IFT25: variants seen among roughly 807,000 people sequenced by gnomAD.
The protein encoded by IFT25 is intraflagellar transport protein 25 homolog.
At chr1:53,930,047 C>T in the IFT25 span, 10 of 1,540,474 alleles carry the variant, frequency 6.5e-6, no homozygotes, top group Non-Finnish European at 8.7e-6. Context: ...ACCAAAGTAA[C>T]TTTGGATTAC....
At chr1:53,918,847 CT>C in the IFT25 span, among the ~76,000 whole-genome samples, 1 of 151,678 alleles carries the variant, frequency 6.6e-6, no homozygotes, top group South Asian at 2.1e-4. Flanking sequence ...CCCATTTTTT[CT>C]TTTTTTTGAG....
the IFT25 span, among the ~76,000 whole-genome samples, chr1:53,925,786 T>C: frequency 1.3e-5 from 2 of 151,920 alleles, no homozygotes; most frequent in Admixed American, 6.6e-5. Flanking sequence ...TCATAGTGGA[T>C]TTATCAATTT....
chr1:53,935,753 G>A, the IFT25 span, among the ~76,000 whole-genome samples: 1 of 151,892 alleles, frequency 6.6e-6, no homozygotes, highest in African/African-American at 2.4e-5. Flanking sequence ...GATTATAGGT[G>A]TGAACCACCT....
the IFT25 span, chr1:53,940,183 G>T: frequency 1.5e-6 from 1 of 682,952 alleles, no homozygotes; most frequent in Non-Finnish European, 2.5e-6. Flanking sequence ...AAAGGCTGTT[G>T]CCTAGCAGAT....
the IFT25 span, among the ~76,000 whole-genome samples, chr1:53,913,586 G>T: frequency 3.3e-5 from 5 of 152,036 alleles, no homozygotes; most frequent in Non-Finnish European, 1.5e-5. Flanking sequence ...CTTTGAGATG[G>T]GGCTCAGGGA....
chr1:53,912,044 T>G, the IFT25 span, among the ~76,000 whole-genome samples: 1 of 152,092 alleles, frequency 6.6e-6, no homozygotes, highest in African/African-American at 2.4e-5. Flanking sequence ...ATGACCAACA[T>G]AGGCATGAGT....
the IFT25 span, among the ~76,000 whole-genome samples, chr1:53,920,550 C>A: frequency 2.0e-5 from 3 of 152,172 alleles, no homozygotes; most frequent in East Asian, 5.8e-4. Flanking sequence ...TCCAAAGAGT[C>A]TTGGTTCCAA....
At chr1:53,914,848 T>C in the IFT25 span, among the ~76,000 whole-genome samples, 1 of 152,130 alleles carries the variant, frequency 6.6e-6, no homozygotes, top group African/African-American at 2.4e-5. Context: ...GCTCAACAAA[T>C]GCAATATGCT....
the IFT25 span, among the ~76,000 whole-genome samples, chr1:53,920,599 T>C: frequency 3.9e-5 from 6 of 152,204 alleles, no homozygotes; most frequent in Non-Finnish European, 5.9e-5. Context: ...ATCTGGGTAT[T>C]TGATGTGCTC....
At chr1:53,916,213 T>C in the IFT25 span, among the ~76,000 whole-genome samples, 2 of 151,114 alleles carry the variant, frequency 1.3e-5, no homozygotes, top group Admixed American at 1.3e-4. Context: ...TTGGGGTAGT[T>C]CAGCAGTGAA....
chr1:53,930,331 T>C, the IFT25 span, among the ~76,000 whole-genome samples: 7 of 152,192 alleles, frequency 4.6e-5, no homozygotes, highest in Non-Finnish European at 1.0e-4. Context: ...GGTATTCTTT[T>C]CTAAAACACA....
the IFT25 span, among the ~76,000 whole-genome samples, chr1:53,945,386 G>T: frequency 6.6e-6 from 1 of 152,148 alleles, no homozygotes; most frequent in Non-Finnish European, 1.5e-5. Flanking sequence ...AGGAAAAGGC[G>T]GGCCCGCGTC....
chr1:53,930,871 T>C, the IFT25 span, among the ~76,000 whole-genome samples: 1 of 152,234 alleles, frequency 6.6e-6, no homozygotes, highest in Non-Finnish European at 1.5e-5. Flanking sequence ...TTAAGTCATA[T>C]ATAGGCAAAA....
At chr1:53,944,275 G>T in the IFT25 span, among the ~76,000 whole-genome samples, 1 of 152,130 alleles carries the variant, frequency 6.6e-6, no homozygotes, top group African/African-American at 2.4e-5. Context: ...AGGCCGAGGT[G>T]GGCGAACAGC....
the IFT25 span, among the ~76,000 whole-genome samples, chr1:53,932,480 G>A: frequency 3.9e-5 from 6 of 152,154 alleles, no homozygotes; most frequent in Admixed American, 3.3e-4. Context: ...TAATTACACA[G>A]TGGTCAGAGA....
chr1:53,916,392 T>G, the IFT25 span, among the ~76,000 whole-genome samples: 5 of 152,318 alleles, frequency 3.3e-5, no homozygotes, highest in African/African-American at 1.2e-4. Flanking sequence ...AGTCATCAAT[T>G]GTTTCCTGCA....
the IFT25 span, among the ~76,000 whole-genome samples, chr1:53,927,298 T>C: frequency 2.0e-5 from 3 of 152,192 alleles, no homozygotes; most frequent in African/African-American, 2.4e-5. Context: ...TCAGTATCCA[T>C]AGGTCTTTTT....
the IFT25 span, among the ~76,000 whole-genome samples, chr1:53,928,012 T>C: frequency 6.6e-6 from 1 of 152,200 alleles, no homozygotes; most frequent in Admixed American, 6.6e-5. Flanking sequence ...TCAATTCTGC[T>C]GGTGATATTT....
At chr1:53,926,221 T>C in the IFT25 span, among the ~76,000 whole-genome samples, 2 of 152,198 alleles carry the variant, frequency 1.3e-5, no homozygotes, top group African/African-American at 2.4e-5. Flanking sequence ...TCTCAGCTCA[T>C]GGCAACCTTC....
Sources: allele counts gnomAD v4.1 joint callset (sites outside exome capture counted in the v4.1 genomes callset), GRCh38; gene constraint gnomAD v4.1.1; transcripts MANE v1.5; gene names NCBI Gene and HGNC (gene_info 2026-07-23, HGNC 2026-07-21).